EIF4E3: variants seen among roughly 807,000 people sequenced by gnomAD.
The protein encoded by EIF4E3 is eukaryotic translation initiation factor 4E type 3.
EIF4E3 carries 26 observed loss-of-function variants against 31.7 expected under a neutral mutation model. The ratio of observed to expected loss-of-function variants is 0.82; its 90% CI spans 0.60 to 1.14. The LOEUF is 1.14. Ranked by LOEUF, EIF4E3 falls within the 50% of genes most tolerant of loss-of-function variation. The pLI, the probability that EIF4E3 is intolerant of heterozygous loss-of-function variation, is 0.00. For synonymous variants in EIF4E3, 128 were observed against 107.7 expected (o/e 1.19, Z -1.17); for missense variants, 304 against 270.9 (o/e 1.12, Z -0.86).
rs548414807 is a variant in EIF4E3 at position 71,684,731 on chromosome 3, A to G, written c.629-3T>C. 2.9e-5 allele frequency: 47 copies of G among 1,613,304 alleles called. No homozygotes were observed. The highest frequency in any genetic ancestry group is 3.9e-5 in the Non-Finnish European group (46 of 1,179,844). ...AAAAGCATGATGCTCTTCATGGGCT[A>G]AAGGACAGAAAAAAAACAAAAAAGA... is the stretch of plus-strand genomic sequence containing the variant. On this transcript the variant is annotated splice_region_variant and splice_polypyrimidine_tract_variant and intron_variant, in intron 6 of 6. Transcript: ENST00000425534.
downstream of EIF4E3, among the ~76,000 whole-genome samples, chr3:71,671,025 G>C (rs796219277): frequency 6.6e-6 from 1 of 152,068 alleles, no homozygotes. Context: ...ATGAGCTGGT[G>C]GGAATGTTGC....
chr3:71,736,213 A>G (rs954965545), intron 1 of EIF4E3, among the ~76,000 whole-genome samples: 7 of 152,232 alleles, frequency 4.6e-5, no homozygotes, highest in Non-Finnish European at 1.0e-4. Flanking sequence ...AGAATGCAAA[A>G]TGGTACAGCC....
At chr3:71,673,968 G>C (rs59358372), downstream of EIF4E3, among the ~76,000 whole-genome samples, 156 of 147,018 alleles carry the variant, frequency 1.1e-3, no homozygotes, top group African/African-American at 3.8e-3. Flanking sequence ...GGAACTCTTG[G>C]GAGCTTCTCA....
chr3:71,667,404 C>T, the EIF4E3 span, among the ~76,000 whole-genome samples: 1 of 151,934 alleles, frequency 6.6e-6, no homozygotes, highest in African/African-American at 2.4e-5. Flanking sequence ...CTGGCCAGGG[C>T]AATTAGGCAA....
upstream of EIF4E3, chr3:71,754,715 C>G (rs1268595424): frequency 1.1e-5 from 16 of 1,480,448 alleles, no homozygotes; most frequent in Non-Finnish European, 1.4e-5. The surrounding 1 kb of genome is among the most constrained non-coding windows in gnomAD (Gnocchi z 5.8). Context: ...TGGTGCCCGC[C>G]GTCAGCCACG....
chr3:71,673,516 AC>A (rs2048856847), downstream of EIF4E3, among the ~76,000 whole-genome samples: 1 of 152,202 alleles, frequency 6.6e-6, no homozygotes, highest in Non-Finnish European at 1.5e-5. Context: ...TAGTAAAAAA[AC>A]ACTCAGCTTT....
intron 1 of EIF4E3, among the ~76,000 whole-genome samples, chr3:71,719,134 G>T (rs1236442280): frequency 6.6e-6 from 1 of 152,190 alleles, no homozygotes; most frequent in East Asian, 1.9e-4. Flanking sequence ...GGTCCCTGTA[G>T]AACTCAACAC....
At chr3:71,696,721 T>C (rs1456099928) in intron 3 of EIF4E3, among the ~76,000 whole-genome samples, 3 of 148,176 alleles carry the variant, frequency 2.0e-5, no homozygotes, top group Non-Finnish European at 3.0e-5. Flanking sequence ...ATATCTGAAT[T>C]TTTTTTTTTT....
At chr3:71,746,230 T>C (rs1276342006) in intron 1 of EIF4E3, among the ~76,000 whole-genome samples, 2 of 152,214 alleles carry the variant, frequency 1.3e-5, no homozygotes, top group Non-Finnish European at 2.9e-5. Context: ...GCTTTAAAAC[T>C]CAAGGCTCCT....
intron 4 of EIF4E3, among the ~76,000 whole-genome samples, chr3:71,694,703 A>G (rs1462778055): frequency 6.6e-6 from 1 of 152,126 alleles, no homozygotes; most frequent in African/African-American, 2.4e-5. Context: ...CCCCCAAACT[A>G]GGTTTGAATC....
intron 1 of EIF4E3, among the ~76,000 whole-genome samples, chr3:71,738,133 T>C (rs919859396): frequency 6.6e-6 from 1 of 152,218 alleles, no homozygotes; most frequent in South Asian, 2.1e-4. Flanking sequence ...TTTTGTCTCA[T>C]ATCTCTTAGA....
At chr3:71,664,579 G>A in the EIF4E3 span, among the ~76,000 whole-genome samples, 2 of 152,156 alleles carry the variant, frequency 1.3e-5, no homozygotes, top group South Asian at 2.1e-4. Flanking sequence ...GAGAGAGAGA[G>A]AGGCCCATTC....
chr3:71,721,371 T>A (rs1265196015), intron 1 of EIF4E3, among the ~76,000 whole-genome samples: 1 of 152,092 alleles, frequency 6.6e-6, no homozygotes, highest in African/African-American at 2.4e-5. Context: ...GGTAATGCTA[T>A]GGAGAAAATA....
chr3:71,753,647 CGCG>C (rs981511310), upstream of EIF4E3: 74 of 147,334 alleles, frequency 5.0e-4, no homozygotes, highest in Middle Eastern at 6.7e-3. Context: ...GAGGGGGCTC[CGCG>C]GCGGCGGCGG....
At chr3:71,674,641 T>C (rs2048863334), downstream of EIF4E3, among the ~76,000 whole-genome samples, 1 of 152,162 alleles carries the variant, frequency 6.6e-6, no homozygotes, top group African/African-American at 2.4e-5. Flanking sequence ...CAACACTGTT[T>C]GTTGTAGGAC....
chr3:71,689,888 A>G, intron 6 of EIF4E3, 122 bp downstream of exon 6: 2 of 991,080 alleles, frequency 2.0e-6, no homozygotes, highest in Non-Finnish European at 2.7e-6. Flanking sequence ...ATTTTGTTGA[A>G]TTATTTTCTG....
At chr3:71,721,499 T>G (rs546271157) in intron 1 of EIF4E3, among the ~76,000 whole-genome samples, 2 of 152,338 alleles carry the variant, frequency 1.3e-5, no homozygotes, top group East Asian at 3.9e-4. Flanking sequence ...TCTTGAATTG[T>G]GATCTCCATA....
At chr3:71,672,456 C>T (rs376280118), downstream of EIF4E3, among the ~76,000 whole-genome samples, 3 of 152,174 alleles carry the variant, frequency 2.0e-5, no homozygotes, top group Non-Finnish European at 4.4e-5. Flanking sequence ...TTTACAAGCC[C>T]GGCTTGCTTT....
At chr3:71,686,944 G>A (rs2049000130) in intron 6 of EIF4E3, among the ~76,000 whole-genome samples, 1 of 152,188 alleles carries the variant, frequency 6.6e-6, no homozygotes, top group Non-Finnish European at 1.5e-5. Context: ...TCAGGAAAAG[G>A]AAGAGAATAA....
Sources: gnomAD v4.1 joint callset for allele counts (sites outside exome capture counted in the v4.1 genomes callset) on GRCh38, gnomAD v4.1.1 for gene constraint, Gnocchi (gnomAD v3.1) non-coding constraint, MANE v1.5 for transcripts, NCBI Gene and HGNC (gene_info 2026-07-23, HGNC 2026-07-21) for gene names.